ARB2A: variants seen among roughly 807,000 people sequenced by gnomAD.
ARB2A encodes the protein cotranscriptional regulator ARB2A.
chr5:93,859,849 A>AT, the ARB2A span, among the ~76,000 whole-genome samples: 1 of 152,354 alleles, frequency 6.6e-6, no homozygotes, highest in East Asian at 1.9e-4. Context: ...AGGAATAGCC[A>AT]TGTATGGGTG....
chr5:93,841,214 T>C, the ARB2A span, among the ~76,000 whole-genome samples: 1 of 152,298 alleles, frequency 6.6e-6, no homozygotes, highest in South Asian at 2.1e-4. Context: ...TATCTGTCGG[T>C]TCTGCATTAG....
At chr5:93,676,747 C>A in the ARB2A span, among the ~76,000 whole-genome samples, 1 of 152,082 alleles carries the variant, frequency 6.6e-6, no homozygotes, top group Non-Finnish European at 1.5e-5. Context: ...AACAAATATG[C>A]CGTATAAGAA....
the ARB2A span, among the ~76,000 whole-genome samples, chr5:94,026,072 G>A: frequency 5.9e-5 from 9 of 152,198 alleles, no homozygotes; most frequent in African/African-American, 2.2e-4. Flanking sequence ...GTCCAGATAA[G>A]GGGAATGCAG....
chr5:93,843,677 T>G, the ARB2A span, among the ~76,000 whole-genome samples: 1 of 151,716 alleles, frequency 6.6e-6, no homozygotes, highest in Non-Finnish European at 1.5e-5. Flanking sequence ...AAGAAATATT[T>G]GAAGAATAAA....
At chr5:94,109,209 T>C in the ARB2A span, among the ~76,000 whole-genome samples, 1 of 152,204 alleles carries the variant, frequency 6.6e-6, no homozygotes, top group African/African-American at 2.4e-5. Context: ...ATTCCACTTA[T>C]ATGAGGTACC....
chr5:93,766,778 T>C, the ARB2A span, among the ~76,000 whole-genome samples: 2 of 152,038 alleles, frequency 1.3e-5, no homozygotes, highest in Non-Finnish European at 2.9e-5. Flanking sequence ...AGCAAAGACT[T>C]GGAACCAACC....
the ARB2A span, chr5:94,056,058 G>C: frequency 1.8e-5 from 7 of 398,124 alleles, no homozygotes; most frequent in Non-Finnish European, 2.4e-5. Flanking sequence ...AGGTAAAATG[G>C]CTTGTCCAAA....
At chr5:93,863,692 G>T in the ARB2A span, 27 of 151,988 alleles carry the variant, frequency 1.8e-4, no homozygotes, top group Non-Finnish European at 3.7e-4. Flanking sequence ...CAAAAATGTT[G>T]AAATATCTTA....
At chr5:94,048,983 A>C in the ARB2A span, among the ~76,000 whole-genome samples, 1 of 152,198 alleles carries the variant, frequency 6.6e-6, no homozygotes, top group Non-Finnish European at 1.5e-5. Context: ...TACTTATGTT[A>C]CCATATATTC....
the ARB2A span, among the ~76,000 whole-genome samples, chr5:93,653,327 T>C: frequency 6.6e-6 from 1 of 150,578 alleles, no homozygotes; most frequent in Non-Finnish European, 1.5e-5. Context: ...GCTAATACGG[T>C]GAAACCCCAT....
the ARB2A span, among the ~76,000 whole-genome samples, chr5:93,833,262 T>C: frequency 6.6e-6 from 1 of 152,196 alleles, no homozygotes; most frequent in African/African-American, 2.4e-5. Flanking sequence ...GCTAGTGTTA[T>C]TGGCAATGAT....
the ARB2A span, chr5:93,824,054 C>G: frequency 9.5e-7 from 1 of 1,052,006 alleles, no homozygotes; most frequent in Non-Finnish European, 1.3e-6. Flanking sequence ...TTCTTTATAA[C>G]ATAACTTAAA....
the ARB2A span, among the ~76,000 whole-genome samples, chr5:94,061,501 A>G: frequency 6.6e-6 from 1 of 152,248 alleles, no homozygotes; most frequent in African/African-American, 2.4e-5. Flanking sequence ...GATTTGATAG[A>G]AACATTATCC....
At chr5:94,107,562 G>A in the ARB2A span, among the ~76,000 whole-genome samples, 1 of 148,592 alleles carries the variant, frequency 6.7e-6, no homozygotes, top group South Asian at 2.1e-4. Context: ...TTGTTACCTT[G>A]AACTTATAGG....
the ARB2A span, among the ~76,000 whole-genome samples, chr5:93,813,439 T>G: frequency 6.6e-6 from 1 of 152,014 alleles, no homozygotes; most frequent in African/African-American, 2.4e-5. Flanking sequence ...AAGAAATTAT[T>G]AAGAAAAAAG....
chr5:93,975,248 C>T, the ARB2A span, among the ~76,000 whole-genome samples: 12 of 144,642 alleles, frequency 8.3e-5, no homozygotes, highest in Non-Finnish European at 3.0e-5. Context: ...ACCCGGGAGG[C>T]GGAGCTTGCA....
chr5:94,056,411 T>C, the ARB2A span, among the ~76,000 whole-genome samples: 1 of 152,172 alleles, frequency 6.6e-6, no homozygotes, highest in Non-Finnish European at 1.5e-5. Flanking sequence ...TTCTGCTTTG[T>C]AAGAGAAAAG....
chr5:93,962,442 T>C, the ARB2A span, among the ~76,000 whole-genome samples: 643 of 152,312 alleles, frequency 4.2e-3, 3 homozygotes, highest in Admixed American at 9.5e-3. Flanking sequence ...TAATGTTTAC[T>C]ATCAAATCAT....
chr5:93,763,454 C>T, the ARB2A span, among the ~76,000 whole-genome samples: 1 of 152,100 alleles, frequency 6.6e-6, no homozygotes, highest in Non-Finnish European at 1.5e-5. Context: ...CAAAGAAGGC[C>T]ATTACATAAT....
Sources: gnomAD v4.1 joint callset for allele counts (sites outside exome capture counted in the v4.1 genomes callset) on GRCh38, gnomAD v4.1.1 for gene constraint, MANE v1.5 for transcripts, NCBI Gene and HGNC (gene_info 2026-07-23, HGNC 2026-07-21) for gene names.